UNC5C: variants seen among roughly 807,000 people sequenced by gnomAD.
UNC5C encodes unc-5 netrin receptor C, also known as netrin receptor UNC5C.
Under a neutral mutation model 99.8 loss-of-function variants are expected in UNC5C, and 47 were observed. The observed-to-expected ratio is 0.47, with a 90% CI of 0.37 to 0.60. The LOEUF (loss-of-function observed/expected upper bound fraction) is 0.60. Ranked by LOEUF, UNC5C falls within the 20% of genes least tolerant of loss-of-function variation. The pLI, the probability that UNC5C is intolerant of heterozygous loss-of-function variation, is 0.00. For synonymous variants in UNC5C, 487 were observed against 452.2 expected (o/e 1.08, Z -0.98); for missense variants, 1,062 against 1,165.9 (o/e 0.91, Z 1.30).
At chr4:95,355,172 C>T (rs558184721) in intron 1 of UNC5C, among the ~76,000 whole-genome samples, 1 of 152,112 alleles carries the variant, frequency 6.6e-6, no homozygotes, top group African/African-American at 2.4e-5. Context: ...GACATTTCAC[C>T]AAATCTCAGT....
chr4:95,489,593 C>T (rs1200680764), intron 1 of UNC5C, among the ~76,000 whole-genome samples: 2 of 151,596 alleles, frequency 1.3e-5, no homozygotes, highest in African/African-American at 4.8e-5. Flanking sequence ...TAGATTACTG[C>T]CATATTATAG....
chr4:95,174,761 G>A (rs559323191), intron 14 of UNC5C, among the ~76,000 whole-genome samples: 4,310 of 146,676 alleles, frequency 0.029, 96 homozygotes, highest in Non-Finnish European at 0.047. Flanking sequence ...TATTAGGTCT[G>A]CTTGGTGCAG....
chr4:95,479,264 T>A (rs1201616370), intron 1 of UNC5C, among the ~76,000 whole-genome samples: 4 of 152,050 alleles, frequency 2.6e-5, no homozygotes. Context: ...CCATTAACTT[T>A]ATATGTACAT....
intron 7 of UNC5C, among the ~76,000 whole-genome samples, chr4:95,222,786 G>A (rs938341838): frequency 1.3e-5 from 2 of 151,996 alleles, no homozygotes; most frequent in Non-Finnish European, 2.9e-5. Context: ...CCTCTCCCCC[G>A]CTCCATCTCA....
chr4:95,340,451 A>G (rs12644981), intron 1 of UNC5C, among the ~76,000 whole-genome samples: 84,711 of 151,858 alleles, frequency 0.56, 26,210 homozygotes, highest in East Asian at 0.99. Flanking sequence ...ATATATTACA[A>G]CAAAAGGCAG....
chr4:95,424,304 T>G (rs1746401097), intron 1 of UNC5C, among the ~76,000 whole-genome samples: 1 of 151,818 alleles, frequency 6.6e-6, no homozygotes, highest in Non-Finnish European at 1.5e-5. Context: ...AAGCCAAAAT[T>G]GAAATACCAA....
intron 1 of UNC5C, among the ~76,000 whole-genome samples, chr4:95,545,772 G>GCACACACACA (rs3975180): frequency 1.3e-4 from 20 of 148,314 alleles, no homozygotes; most frequent in Admixed American, 3.4e-4. Context: ...GCGCGCGCGC[G>GCACACACACA]CACACACACA....
chr4:95,263,288 AT>A lies in UNC5C; in HGVS notation c.595-12622del, dbSNP rs537241113. ...ACATGGCATCTTTTCCCACTATTTA[AT>A]TTTTTTGATAATATTTTTTAGATAC... On this transcript the variant is annotated intron_variant, in intron 4 of 15. Transcript: ENST00000453304. Among the ~76,000 whole-genome samples the A allele has an allele frequency of 4.1e-3, 627 of 152,188 alleles. 6 individuals are homozygous for A. The highest frequency in any genetic ancestry group is 0.014 in the African/African-American group (598 of 41,512).
At chr4:95,303,934 TC>T (rs1231268303) in intron 2 of UNC5C, among the ~76,000 whole-genome samples, 12 of 152,240 alleles carry the variant, frequency 7.9e-5, no homozygotes, top group Non-Finnish European at 2.9e-5. Context: ...TTTCTGGAAC[TC>T]CTTAAAAACT....
intron 1 of UNC5C, among the ~76,000 whole-genome samples, chr4:95,511,505 A>ATGAAC (rs1403934445): frequency 6.6e-5 from 10 of 152,172 alleles, no homozygotes; most frequent in African/African-American, 2.4e-4. Flanking sequence ...GAGGAAAACA[A>ATGAAC]TGAACACCAA....
intron 1 of UNC5C, among the ~76,000 whole-genome samples, chr4:95,368,996 C>A (rs1259648638): frequency 6.6e-6 from 1 of 151,850 alleles, no homozygotes. Flanking sequence ...CAGCTCACTG[C>A]ATCCTCGACA....
intron 1 of UNC5C, among the ~76,000 whole-genome samples, chr4:95,525,228 A>T (rs1722466339): frequency 1.3e-5 from 2 of 152,200 alleles, no homozygotes; most frequent in Admixed American, 6.5e-5. Flanking sequence ...AATAGAACTA[A>T]TTGTTTCCCT....
In UNC5C at chr4:95,278,309, G is replaced by A; in HGVS notation, c.544C>T (p.Gln182Ter). ...EPLGKEVSLE[Q>*]EVLLQCRPPE... ...GGTCGACACTGGAGTAAGACTTCCT[G>A]TTCCAAAGACACTTCCTTTCCTAGG... The change falls in exon 4 of 16, where the codon CAG becomes TAG. Residue 182 changes from glutamine (Q) to a stop codon, truncating the protein, a stop_gained. Coordinates refer to ENST00000453304, the MANE Select transcript of UNC5C (RefSeq NM_003728.4). LOFTEE classifies it high-confidence loss of function. 1.2e-6 allele frequency: 2 copies of A among 1,614,098 alleles called. No homozygotes were observed. Among genetic ancestry groups the A allele is most frequent in the Non-Finnish European group, 1.7e-6 (2 of 1,180,006 alleles).
At chr4:95,510,866 C>T (rs980962666) in intron 1 of UNC5C, among the ~76,000 whole-genome samples, 1 of 152,092 alleles carries the variant, frequency 6.6e-6, no homozygotes, top group Non-Finnish European at 1.5e-5. Context: ...CTTGGTTTGT[C>T]CCTTCTTTTA....
intron 2 of UNC5C, among the ~76,000 whole-genome samples, chr4:95,331,895 C>A: frequency 6.6e-6 from 1 of 151,964 alleles, no homozygotes; most frequent in Non-Finnish European, 1.5e-5. Flanking sequence ...AATCAATGTA[C>A]AAAAATCACA....
intron 12 of UNC5C, among the ~76,000 whole-genome samples, chr4:95,196,641 G>A (rs1277209192): frequency 6.7e-6 from 1 of 148,920 alleles, no homozygotes; most frequent in Non-Finnish European, 1.5e-5. Flanking sequence ...GCTCAAAGAG[G>A]TGAGTAGGGA....
chr4:95,182,749 A>G (rs1736663160), intron 14 of UNC5C, 148 bp downstream of exon 14: 1 of 798,468 alleles, frequency 1.3e-6, no homozygotes, highest in South Asian at 4.7e-5. Flanking sequence ...TGCTCATTAC[A>G]AATATTATTC....
At chr4:95,542,604 C>G (rs549924567) in intron 1 of UNC5C, among the ~76,000 whole-genome samples, 51 of 152,174 alleles carry the variant, frequency 3.4e-4, no homozygotes, top group Non-Finnish European at 6.2e-4. Context: ...TATATATGAG[C>G]AACATTTTGG....
Position 95,545,789 on chromosome 4 carries a change from C to G in UNC5C, c.124+2945G>C, listed in dbSNP as rs141554699. 3.5e-3 allele frequency among the ~76,000 whole-genome samples: 536 copies of G among 152,248 alleles called. 1 individual carries two copies. The highest frequency in any genetic ancestry group is 5.7e-3 in the Non-Finnish European group (389 of 68,014). ...GCGCGCGCGCACACACACACACACA[C>G]ACACACTGCCTTTTACTAGTAAAAT... On this transcript the variant is annotated intron_variant, in intron 1 of 15. Transcript: ENST00000453304.
Sources: gnomAD v4.1 joint callset for allele counts (sites outside exome capture counted in the v4.1 genomes callset) on GRCh38, gnomAD v4.1.1 for gene constraint, MANE v1.5 for transcripts, NCBI Gene and HGNC (gene_info 2026-07-23, HGNC 2026-07-21) for gene names.